The following PANK1 variants were observed in gnomAD, a reference collection of about 807,000 sequenced individuals.
The protein encoded by PANK1 is pantothenic acid kinase 1.
Under a neutral mutation model 40.1 loss-of-function variants are expected in PANK1, and 18 were observed. The observed-to-expected ratio is 0.45, with a 90% CI of 0.31 to 0.67. The LOEUF is 0.67. Among genes scored for constraint, PANK1 ranks in the 30% least tolerant of loss-of-function variants. The pLI is 0.06. For synonymous variants in PANK1, 242 were observed against 237.7 expected, an observed-to-expected ratio of 1.02 and a Z score of -0.17; for missense variants, 457 against 599.6, an observed-to-expected ratio of 0.76 and a Z score of 2.48.
In PANK1 at chr10:89,593,207, G is replaced by A. The variant is rs753183982; in HGVS notation, c.1190C>T (p.Ala397Val). ...NNIGSIARMC[A>V]LNENIDRVVF... ...TGAGTAAGGCCTTACCTCATTCAACGCGCACATCCGAGCAATGGAGCCAAT... is the reference window on the plus strand; with the variant it reads ...TGAGTAAGGCCTTACCTCATTCAACACGCACATCCGAGCAATGGAGCCAAT... The change falls in exon 5 of 7, where the codon GCG (alanine) becomes GTG (valine). Residue 397 changes from alanine to valine, a missense_variant. Coordinates refer to ENST00000307534, the MANE Select transcript of PANK1 (RefSeq NM_148977.3). The A allele has an allele frequency of 9.9e-6, 16 of 1,613,572 alleles. No homozygotes were observed. The highest frequency in any genetic ancestry group is 4.4e-5 in the South Asian group (4 of 91,064).
rs1844126167 is a variant in PANK1 at position 89,584,340 on chromosome 10, C to G, written c.*66G>C. The G allele has an allele frequency of 1.9e-6, 2 of 1,050,020 alleles. No individual in the cohort carries two copies. Among genetic ancestry groups the G allele is most frequent in the African/African-American group, 3.1e-5 (2 of 63,934 alleles). The allele number at this position is 1,050,020 out of a possible 1,614,324, so 65.0% of individuals were successfully genotyped here. A position where few individuals can be genotyped will look rare whatever the true frequency, so the allele number is the denominator to read the frequency against. On this transcript the variant is annotated 3_prime_UTR_variant, in exon 7 of 7. Coordinates refer to ENST00000307534, the MANE Select transcript of PANK1 (RefSeq NM_148977.3). The stretch of plus-strand genomic sequence containing the variant: ...GGCTTCCGTCCCAAAGCGACTTTCA[C>G]CTTCTCCAGCAGCAATTTTTTAGTT...
At chr10:89,606,122 C>T (rs11185782) in intron 2 of PANK1, among the ~76,000 whole-genome samples, 4,315 of 152,176 alleles carry the variant, frequency 0.028, 186 homozygotes, top group African/African-American at 0.097. Flanking sequence ...TTGTTACATT[C>T]GTAAAGCACA....
intron 5 of PANK1, among the ~76,000 whole-genome samples, chr10:89,591,194 A>G (rs1844375643): frequency 6.6e-6 from 1 of 152,330 alleles, no homozygotes; most frequent in Middle Eastern, 3.4e-3. Flanking sequence ...TGTATCCTAC[A>G]TTACATACAA....
chr10:89,635,865 A>T (rs1465688751), intron 1 of PANK1, among the ~76,000 whole-genome samples: 3 of 152,376 alleles, frequency 2.0e-5, no homozygotes, highest in African/African-American at 7.2e-5. Flanking sequence ...GATAGTCTTA[A>T]GTCAATCCAA....
chr10:89,585,770 T>C (rs1158853040), intron 6 of PANK1, among the ~76,000 whole-genome samples: 1 of 152,192 alleles, frequency 6.6e-6, no homozygotes, highest in East Asian at 1.9e-4. Flanking sequence ...ATGAGAAATT[T>C]AGTGAGGACT....
Position 89,612,054 on chromosome 10 carries a change from G to C in PANK1, c.293-6C>G. 1 of 1,607,902 alleles carries C rather than the reference G, an allele frequency of 6.2e-7. No homozygotes were observed. The highest frequency in any genetic ancestry group is 1.1e-5 in the South Asian group (1 of 90,604). ...CATGCCAAACCATGGGAATGCTAAAGGACAGAAAGAAAGAGTGCTGCTGAA... is the reference window on the plus strand; with the variant it reads ...CATGCCAAACCATGGGAATGCTAAACGACAGAAAGAAAGAGTGCTGCTGAA... On this transcript the variant is annotated splice_region_variant and splice_polypyrimidine_tract_variant and intron_variant, in intron 1 of 6. Coordinates refer to ENST00000307534, the MANE Select transcript of PANK1 (RefSeq NM_148977.3).
At chr10:89,624,902 C>T (rs966549015) in intron 1 of PANK1, among the ~76,000 whole-genome samples, 1 of 152,142 alleles carries the variant, frequency 6.6e-6, no homozygotes, top group African/African-American at 2.4e-5. Flanking sequence ...AGCTGGACTA[C>T]ATTTCTTTGT....
intron 4 of PANK1, 79 bp downstream of exon 4, chr10:89,593,734 A>G: frequency 9.0e-7 from 1 of 1,108,192 alleles, no homozygotes; most frequent in Admixed American, 1.8e-5. Flanking sequence ...CTGACATTTT[A>G]AAACAACTTA....
At chr10:89,598,089 T>G (rs1432608604) in intron 3 of PANK1, among the ~76,000 whole-genome samples, 1 of 152,206 alleles carries the variant, frequency 6.6e-6, no homozygotes, top group Non-Finnish European at 1.5e-5. Flanking sequence ...TGTTACCTTA[T>G]GTACTATAGG....
intron 2 of PANK1, among the ~76,000 whole-genome samples, chr10:89,606,123 G>A (rs1157756311): frequency 6.6e-6 from 1 of 152,048 alleles, no homozygotes; most frequent in Non-Finnish European, 1.5e-5. Flanking sequence ...TGTTACATTC[G>A]TAAAGCACAG....
chr10:89,629,866 G>A (rs1387414998), intron 1 of PANK1, among the ~76,000 whole-genome samples: 1 of 152,190 alleles, frequency 6.6e-6, no homozygotes, highest in Non-Finnish European at 1.5e-5. Context: ...TGATTCAGTA[G>A]TTTGAAAAGA....
At chr10:89,587,571 A>G (rs1844232805) in intron 6 of PANK1, among the ~76,000 whole-genome samples, 1 of 147,132 alleles carries the variant, frequency 6.8e-6, no homozygotes, top group African/African-American at 2.4e-5. Flanking sequence ...AATCCACTTT[A>G]AGGAAACAAA....
chr10:89,595,816 T>TAAAAAAAAA lies in PANK1; in HGVS notation c.900-1836_900-1828dup, dbSNP rs1192374008. Among the ~76,000 whole-genome samples the TAAAAAAAAA allele has an allele frequency of 1.4e-3, 58 of 40,850 alleles. 4 individuals carry two copies. The highest frequency in any genetic ancestry group is 5.0e-3 in the African/African-American group (44 of 8,736). The allele number at this position is 40,850 out of a possible 152,430, so 26.8% of individuals were successfully genotyped here. A position where few individuals can be genotyped will look rare whatever the true frequency, so the allele number is the denominator to read the frequency against. ...TGGGTGACAGAGCCGGACTCCATCT[T>TAAAAAAAAA]AAAAAAAAAAAAAAAAAATATATAT... On this transcript the variant is annotated intron_variant, in intron 3 of 6. Transcript: ENST00000307534.
intron 1 of PANK1, among the ~76,000 whole-genome samples, chr10:89,630,495 TTTTG>T (rs1427117322): frequency 2.3e-5 from 3 of 131,520 alleles, no homozygotes; most frequent in African/African-American, 3.2e-5. Flanking sequence ...TGTGCAGTTT[TTTTG>T]TTTTTTTTTT....
chr10:89,591,312 G>A (rs974077922), intron 5 of PANK1, among the ~76,000 whole-genome samples: 6 of 152,096 alleles, frequency 3.9e-5, no homozygotes, highest in South Asian at 4.1e-4. Context: ...AGTGGAAATG[G>A]TGACTCACTT....
chr10:89,638,912 G>A (rs1424945616), intron 1 of PANK1, among the ~76,000 whole-genome samples: 5 of 152,186 alleles, frequency 3.3e-5, no homozygotes, highest in East Asian at 1.9e-4. Flanking sequence ...TTAATGCTCT[G>A]TTCATAGCAA....
At chr10:89,609,324 A>T (rs551738349) in intron 2 of PANK1, among the ~76,000 whole-genome samples, 23 of 152,308 alleles carry the variant, frequency 1.5e-4, no homozygotes, top group Middle Eastern at 3.4e-3. Flanking sequence ...TCAACCTTCC[A>T]AAGTGCTGGG....
At chr10:89,580,690 C>G (rs1190571470), downstream of PANK1, 1 of 152,404 alleles carries the variant, frequency 6.6e-6, no homozygotes, top group East Asian at 1.9e-4. Flanking sequence ...GTAGAGGCCA[C>G]TACCCTCACA....
At chr10:89,590,086 G>A (rs1460473806) in intron 5 of PANK1, among the ~76,000 whole-genome samples, 1 of 150,116 alleles carries the variant, frequency 6.7e-6, no homozygotes, top group Non-Finnish European at 1.5e-5. Context: ...GAAAAATATG[G>A]AAGAATTGGA....
Sources: gnomAD v4.1 joint callset for allele counts (sites outside exome capture counted in the v4.1 genomes callset) on GRCh38, gnomAD v4.1.1 for gene constraint, MANE v1.5 for transcripts, NCBI Gene and HGNC (gene_info 2026-07-23, HGNC 2026-07-21) for gene names.